The following BBX variants were observed in gnomAD, a reference collection of about 807,000 sequenced individuals.
BBX encodes BBX high mobility group box domain containing.
BBX carries 30 observed loss-of-function variants against 100.2 expected under a neutral mutation model. The ratio of observed to expected loss-of-function variants is 0.30; its 90% CI spans 0.22 to 0.41. BBX has a LOEUF of 0.41. Ranked by LOEUF, BBX falls within the 10% of genes least tolerant of loss-of-function variation. BBX has a pLI of 1.00. For missense variants in BBX, 1,023 were observed against 1,129.8 expected (o/e 0.91, Z 1.35); for synonymous variants, 376 against 388.1 (o/e 0.97, Z 0.37).
intron 3 of BBX, among the ~76,000 whole-genome samples, chr3:107,678,987 C>CT (rs758075508): frequency 7.9e-5 from 12 of 152,032 alleles, no homozygotes; most frequent in Non-Finnish European, 1.8e-4. Flanking sequence ...CAGTTTGCAG[C>CT]TAATAATTTA....
intron 2 of BBX, among the ~76,000 whole-genome samples, chr3:107,551,588 C>T (rs1266253132): frequency 6.6e-6 from 1 of 152,170 alleles, no homozygotes; most frequent in African/African-American, 2.4e-5. Flanking sequence ...CTGGCATCAC[C>T]GACCTCATTA....
Position 107,795,613 on chromosome 3 carries a change from C to CTTTTTT in BBX, c.2354-2890_2354-2885dup, listed in dbSNP as rs1158136233. Among the ~76,000 whole-genome samples the CTTTTTT allele has an allele frequency of 7.5e-4, 45 of 60,032 alleles. 1 individual carries two copies. Among genetic ancestry groups the CTTTTTT allele is most frequent in the Non-Finnish European group, 1.0e-3 (34 of 32,876 alleles). The allele number at this position is 60,032 out of a possible 152,430, so 39.4% of individuals were successfully genotyped here. Reference sequence around the variant, plus strand: ...AACTTATGAGAACCTCCGACGTAGTCTTTTTTTTTTTTTTTTTTTTTTTTT... The same window carrying CTTTTTT: ...AACTTATGAGAACCTCCGACGTAGTCTTTTTTTTTTTTTTTTTTTTTTTTTTTTTTT... On this transcript the variant is annotated intron_variant, in intron 15 of 17. Transcript: ENST00000325805.
intron 2 of BBX, among the ~76,000 whole-genome samples, chr3:107,616,949 C>A (rs1420675340): frequency 1.3e-5 from 2 of 152,000 alleles, no homozygotes; most frequent in African/African-American, 4.8e-5. Context: ...GTGTCAAGTC[C>A]AATAACTCAA....
At chr3:107,723,235 CTG>C (rs922226805) in intron 5 of BBX, among the ~76,000 whole-genome samples, 14 of 151,740 alleles carry the variant, frequency 9.2e-5, no homozygotes, top group African/African-American at 3.4e-4. Context: ...GTAATAATAA[CTG>C]GAAATACTAG....
chr3:107,678,947 G>A (rs1367623974), intron 3 of BBX, among the ~76,000 whole-genome samples: 3 of 152,062 alleles, frequency 2.0e-5, no homozygotes, highest in Non-Finnish European at 4.4e-5. Context: ...CCAAGGCACA[G>A]GGAGGTTAGG....
chr3:107,715,797 G>A (rs530974035), intron 4 of BBX, among the ~76,000 whole-genome samples: 6 of 152,326 alleles, frequency 3.9e-5, no homozygotes, highest in Non-Finnish European at 8.8e-5. Context: ...GACAGATTCG[G>A]AGCTTTGTAG....
rs527477483 is a variant in BBX, at chr3:107,761,872, G to A, written c.906+6194G>A. Among the ~76,000 whole-genome samples the A allele has an allele frequency of 7.9e-5, 12 of 152,268 alleles. No individual in the cohort carries two copies. In the East Asian group the frequency reaches 1.9e-3, roughly 24 times the overall value. On this transcript the variant is annotated intron_variant, in intron 10 of 17. Coordinates refer to ENST00000325805, the MANE Select transcript of BBX (RefSeq NM_001142568.3). ...CAATTATTGGTGATATTTGATCAGT[G>A]TATGATTCCATTTAAGATTTCTGTT... is the stretch of plus-strand genomic sequence containing the variant.
At chr3:107,731,216 C>A (rs961969554) in intron 6 of BBX, among the ~76,000 whole-genome samples, 2 of 152,112 alleles carry the variant, frequency 1.3e-5, no homozygotes, top group African/African-American at 4.8e-5. Flanking sequence ...GTTTTAGTAT[C>A]TATACAGCAA....
At chr3:107,578,107 C>T (rs2051942092) in intron 2 of BBX, among the ~76,000 whole-genome samples, 3 of 152,158 alleles carry the variant, frequency 2.0e-5, no homozygotes, top group Admixed American at 2.0e-4. Flanking sequence ...GTTTTCAGAA[C>T]TAATTTGTTT....
At chr3:107,643,358 T>G (rs1237491202) in intron 2 of BBX, among the ~76,000 whole-genome samples, 1 of 152,086 alleles carries the variant, frequency 6.6e-6, no homozygotes, top group Non-Finnish European at 1.5e-5. Context: ...TTATGAAGTT[T>G]CTTAGAGGGA....
chr3:107,577,406 G>A (rs2051873745), intron 2 of BBX, among the ~76,000 whole-genome samples: 2 of 152,140 alleles, frequency 1.3e-5, no homozygotes, highest in Admixed American at 6.5e-5. Context: ...AACATGGCGG[G>A]AATGGAAGGA....
chr3:107,756,343 T>C (rs1022880036), intron 10 of BBX, among the ~76,000 whole-genome samples: 1 of 152,106 alleles, frequency 6.6e-6, no homozygotes, highest in Non-Finnish European at 1.5e-5. Context: ...GCAGAAGAAA[T>C]GTTTTCAGCA....
intron 5 of BBX, among the ~76,000 whole-genome samples, chr3:107,719,499 C>T (rs992422998): frequency 2.0e-5 from 3 of 151,946 alleles, no homozygotes; most frequent in Non-Finnish European, 4.4e-5. Context: ...TATCTTATTG[C>T]ATCTGGTAAG....
At chr3:107,793,757 T>C (rs1356613795) in intron 15 of BBX, among the ~76,000 whole-genome samples, 1 of 152,248 alleles carries the variant, frequency 6.6e-6, no homozygotes, top group Admixed American at 6.5e-5. Flanking sequence ...ACTGATGCTA[T>C]ATAACTGTTC....
rs1040202035 is a variant in BBX at position 107,568,190 on chromosome 3, A to G, written c.-84+41792A>G. Among the ~76,000 whole-genome samples, 7 of 150,432 alleles carry G rather than the reference A, an allele frequency of 4.7e-5. No individual in the cohort carries two copies. The East Asian group carries it at 5.8e-4, about 13-fold the overall frequency. On this transcript the variant is annotated intron_variant, in intron 2 of 17. Coordinates refer to ENST00000325805, the MANE Select transcript of BBX (RefSeq NM_001142568.3). The stretch of plus-strand genomic sequence containing the variant: ...GTGTTTTTGTTTTTAATTTATCCCA[A>G]TTGGCAGCCTCCTTTCAATGTGGAG...
rs2071272276 is a variant in BBX, at chr3:107,811,329, A to G, written c.*5872A>G. 1 of 152,254 alleles carries G rather than the reference A, an allele frequency of 6.6e-6. No individual in the cohort carries two copies. Among genetic ancestry groups the G allele is most frequent in the Admixed American group, 6.5e-5 (1 of 15,292 alleles). The allele number at this position is 152,254 out of a possible 1,614,324, so 9.4% of individuals were successfully genotyped here. ...AAAAGTAAGATATTTCAACTATTTTAGAACATCGAATGATGTGTCCCCCTA... is the reference window on the plus strand; with the variant it reads ...AAAAGTAAGATATTTCAACTATTTTGGAACATCGAATGATGTGTCCCCCTA... On this transcript the variant is annotated 3_prime_UTR_variant, in exon 18 of 18. Transcript: ENST00000325805.
At position 107,778,220 on chromosome 3, in the gene BBX, C is replaced by G; in HGVS notation, c.2055-151C>G. 4.7e-6 allele frequency: 4 copies of G among 860,200 alleles called. No homozygotes were observed. The East Asian group carries it at 1.1e-4, about 23-fold the overall frequency. The allele number at this position is 860,200 out of a possible 1,614,324, so 53.3% of individuals were successfully genotyped here. A position where few individuals can be genotyped will look rare whatever the true frequency, so the allele number is the denominator to read the frequency against. On this transcript the variant is annotated intron_variant, in intron 12 of 17. Coordinates refer to ENST00000325805, the MANE Select transcript of BBX (RefSeq NM_001142568.3). ...CTGTGTTGGTAAATCTCAAGCATTT[C>G]AGAAAAGGTGTTTTTTTCCTTGCAC... is the stretch of plus-strand genomic sequence containing the variant.
At chr3:107,702,440 A>G (rs1208020001) in intron 3 of BBX, among the ~76,000 whole-genome samples, 1 of 152,108 alleles carries the variant, frequency 6.6e-6, no homozygotes, top group Non-Finnish European at 1.5e-5. Flanking sequence ...TTCTCTGCAT[A>G]TTTCAAGCCT....
chr3:107,764,427 G>A (rs956865490), intron 10 of BBX, among the ~76,000 whole-genome samples: 1 of 152,180 alleles, frequency 6.6e-6, no homozygotes, highest in African/African-American at 2.4e-5. Flanking sequence ...CTTTTTGAAA[G>A]GTACTAGGGT....
Sources: allele counts gnomAD v4.1 joint callset (sites outside exome capture counted in the v4.1 genomes callset), GRCh38; gene constraint gnomAD v4.1.1; transcripts MANE v1.5; gene names NCBI Gene and HGNC (gene_info 2026-07-23, HGNC 2026-07-21).